MKLN1: variants seen among roughly 807,000 people sequenced by gnomAD.
MKLN1 encodes muskelin 1.
A neutral mutation model predicts 99.0 loss-of-function variants in MKLN1; 18 were observed. That is an observed-to-expected ratio of 0.18 (90% CI 0.13 to 0.27). The LOEUF (loss-of-function observed/expected upper bound fraction) is 0.27. MKLN1 is among the 10% of genes least tolerant of loss of function. The pLI, the probability that MKLN1 is intolerant of heterozygous loss-of-function variation, is 1.00. For missense variants in MKLN1, 621 were observed against 875.9 expected, an observed-to-expected ratio of 0.71 and a Z score of 3.67; for synonymous variants, 288 against 293.2, an observed-to-expected ratio of 0.98 and a Z score of 0.18.
chr7:131,383,019 G>A (rs1328012485), intron 2 of MKLN1, among the ~76,000 whole-genome samples: 8 of 152,024 alleles, frequency 5.3e-5, no homozygotes, highest in Admixed American at 6.6e-5. Flanking sequence ...CACCACACCC[G>A]GCCAGCTACG....
chr7:131,156,545 C>G (rs147237170), intron 2 of MKLN1, among the ~76,000 whole-genome samples: 11 of 151,404 alleles, frequency 7.3e-5, no homozygotes, highest in African/African-American at 2.4e-4. Context: ...TAGCGATGTG[C>G]AGATACTACT....
At chr7:131,416,495 A>G (rs1795017742) in intron 8 of MKLN1, among the ~76,000 whole-genome samples, 1 of 151,644 alleles carries the variant, frequency 6.6e-6, no homozygotes, top group Non-Finnish European at 1.5e-5. Context: ...TACTTACAAT[A>G]AAGTTATAAA....
intron 1 of MKLN1, among the ~76,000 whole-genome samples, chr7:131,351,211 G>A (rs1278799870): frequency 5.3e-5 from 8 of 151,684 alleles, no homozygotes; most frequent in South Asian, 2.1e-4. Context: ...TTGTGCCACC[G>A]CACTCCAGCC....
At position 131,365,342 on chromosome 7, in the gene MKLN1, A is replaced by G. The variant is rs532721717; in HGVS notation, c.99-10082A>G. ...TTTAAGTTCCTTATAGATGCTGTATATTAGACCTTTGTCAGATACATAGTT... is the reference window on the plus strand; with the variant it reads ...TTTAAGTTCCTTATAGATGCTGTATGTTAGACCTTTGTCAGATACATAGTT... On this transcript the variant is annotated intron_variant, in intron 1 of 17. Transcript: ENST00000352689. Among the ~76,000 whole-genome samples the G allele has an allele frequency of 1.8e-4, 28 of 152,300 alleles. 1 individual carries two copies. The South Asian group carries it at 5.6e-3, about 30-fold the overall frequency.
chr7:131,283,323 C>CT (rs1798080149), intron 3 of MKLN1, among the ~76,000 whole-genome samples: 1 of 96,328 alleles, frequency 1.0e-5, no homozygotes, highest in African/African-American at 4.9e-5. Flanking sequence ...CCCTCCCTCC[C>CT]TCCCTCCTTC....
intron 3 of MKLN1, among the ~76,000 whole-genome samples, chr7:131,243,740 G>C (rs932633564): frequency 6.6e-6 from 1 of 152,128 alleles, no homozygotes; most frequent in African/African-American, 2.4e-5. Flanking sequence ...CAGGCCCTGC[G>C]AGGTAGCTCA....
At chr7:131,384,777 TA>T (rs1793958440) in intron 2 of MKLN1, among the ~76,000 whole-genome samples, 1 of 152,230 alleles carries the variant, frequency 6.6e-6, no homozygotes, top group African/African-American at 2.4e-5. Context: ...CTAATGCATG[TA>T]AAAGTCTCAG....
At chr7:131,275,365 G>GTTT (rs909251138) in intron 3 of MKLN1, among the ~76,000 whole-genome samples, 32 of 105,170 alleles carry the variant, frequency 3.0e-4, no homozygotes, top group Non-Finnish European at 4.8e-4. Flanking sequence ...GTTGTTGTTG[G>GTTT]TTTTTTTTTT....
intron 3 of MKLN1, among the ~76,000 whole-genome samples, chr7:131,268,756 C>A (rs1157358067): frequency 5.9e-5 from 9 of 152,236 alleles, no homozygotes; most frequent in African/African-American, 1.7e-4. Flanking sequence ...CAGCTCACAG[C>A]AGTTTCTGCC....
chr7:131,389,894 A>G (rs898180982), intron 4 of MKLN1, among the ~76,000 whole-genome samples: 1 of 151,984 alleles, frequency 6.6e-6, no homozygotes, highest in Admixed American at 6.6e-5. Context: ...ATCTCCAAAA[A>G]AAAAACCAAA....
At chr7:131,299,566 C>T (rs1476190393) in intron 3 of MKLN1, among the ~76,000 whole-genome samples, 3 of 152,184 alleles carry the variant, frequency 2.0e-5, no homozygotes, top group Admixed American at 2.0e-4. Context: ...GTGTAGCTCG[C>T]CGCCAGCACT....
intron 1 of MKLN1, among the ~76,000 whole-genome samples, chr7:131,121,916 G>T (rs1249783116): frequency 6.6e-6 from 1 of 152,140 alleles, no homozygotes; most frequent in East Asian, 1.9e-4. Flanking sequence ...CTGAAAAGAA[G>T]AGAAAGAGCT....
At position 131,479,123 on chromosome 7, in the gene MKLN1, T is replaced by A. The variant is rs539747012; in HGVS notation, c.2086+446T>A. Among the ~76,000 whole-genome samples the A allele has an allele frequency of 2.6e-5, 4 of 152,324 alleles. No homozygotes were observed. In the South Asian group the frequency reaches 8.3e-4, roughly 32 times the overall value. ...CACAGAAGATAGATTATCTCTTTCCTGAAAATGGGAGTTTTGTTATCTTAA... is the reference window on the plus strand; with the variant it reads ...CACAGAAGATAGATTATCTCTTTCCAGAAAATGGGAGTTTTGTTATCTTAA... On this transcript the variant is annotated intron_variant, in intron 17 of 17. Coordinates refer to ENST00000352689, the MANE Select transcript of MKLN1 (RefSeq NM_013255.5).
intron 2 of MKLN1, among the ~76,000 whole-genome samples, chr7:131,181,722 C>T (rs537258473): frequency 2.7e-5 from 4 of 150,924 alleles, no homozygotes; most frequent in East Asian, 2.0e-4. Context: ...TCCAGTGGCA[C>T]GATCTCAGCT....
intron 3 of MKLN1, among the ~76,000 whole-genome samples, chr7:131,257,646 G>A (rs1462610042): frequency 6.6e-6 from 1 of 152,074 alleles, no homozygotes; most frequent in Admixed American, 6.6e-5. Flanking sequence ...AGAACCAAAT[G>A]GCTAAACTTT....
intron 3 of MKLN1, among the ~76,000 whole-genome samples, chr7:131,238,152 A>G (rs1490819665): frequency 6.6e-6 from 1 of 152,148 alleles, no homozygotes; most frequent in Non-Finnish European, 1.5e-5. Flanking sequence ...GTCTCAAAAA[A>G]AACAAGCAAA....
rs1797458690 is a variant in MKLN1, at chr7:131,244,685, G to A, written c.-179+41711G>A. 2.6e-5 allele frequency among the ~76,000 whole-genome samples: 4 copies of A among 152,284 alleles called. No homozygotes were observed. In the South Asian group the frequency reaches 8.3e-4, roughly 32 times the overall value. On this transcript the variant is annotated intron_variant, in intron 3 of 7. Transcript: ENST00000416992. ...TGACGACGGTGATGACGGTGATGAC[G>A]ATGATGACGATGATGCATGCAGTTG...
chr7:131,305,750 T>C (rs1798455055), intron 3 of MKLN1, among the ~76,000 whole-genome samples: 1 of 152,236 alleles, frequency 6.6e-6, no homozygotes, highest in African/African-American at 2.4e-5. Flanking sequence ...AGGGCGCTTG[T>C]ATGGCCTGTC....
In MKLN1 at chr7:131,491,026, A is replaced by C. The variant is rs1473176093; in HGVS notation, c.*3298A>C. 2.0e-5 allele frequency: 3 copies of C among 152,176 alleles called. No individual in the cohort carries two copies. The South Asian group carries it at 6.2e-4, about 32-fold the overall frequency. 9.4% of individuals were successfully genotyped at this position (152,176 alleles called of 1,614,324 possible). ...TTATACTCAATTTCATGGTAATTAC[A>C]TGAAGAAGTTACCTGCAATTATTCT... On this transcript the variant is annotated 3_prime_UTR_variant, in exon 18 of 18. Transcript: ENST00000352689.
Sources: allele counts gnomAD v4.1 joint callset (sites outside exome capture counted in the v4.1 genomes callset), GRCh38; gene constraint gnomAD v4.1.1; transcripts MANE v1.5; gene names NCBI Gene and HGNC (gene_info 2026-07-23, HGNC 2026-07-21).